The following NUP210L variants were observed in gnomAD, a reference collection of about 807,000 sequenced individuals.
NUP210L encodes the protein nuclear pore membrane glycoprotein 210-like.
In NUP210L, 74 loss-of-function variants were observed where a neutral mutation model predicts 208.5. The ratio of observed to expected loss-of-function variants is 0.35; its 90% CI spans 0.29 to 0.43. The LOEUF (loss-of-function observed/expected upper bound fraction) is 0.43. Ranked by LOEUF, NUP210L falls within the 20% of genes least tolerant of loss-of-function variation. The pLI is 1.00. For synonymous variants in NUP210L, 780 were observed against 816.9 expected (o/e 0.95, Z 0.77); for missense variants, 1,843 against 2,289.4 (o/e 0.81, Z 3.98).
At position 153,996,728 on chromosome 1, in the gene NUP210L, T is replaced by C. The variant is rs541778653; in HGVS notation, c.5387-1548A>G. ...GAGCCGCTGCACCCAGCCAAAACTT[T>C]TTTTTAAGATCATCAGTGACCACTT... On this transcript the variant is annotated intron_variant, in intron 37 of 39. Transcript: ENST00000368559. 2.2e-4 allele frequency among the ~76,000 whole-genome samples: 34 copies of C among 152,264 alleles called. No homozygotes were observed. In the South Asian group the frequency reaches 7.0e-3, roughly 32 times the overall value.
At chr1:154,152,273 C>T (rs1014213249) in intron 2 of NUP210L, among the ~76,000 whole-genome samples, 13 of 151,484 alleles carry the variant, frequency 8.6e-5, no homozygotes, top group Non-Finnish European at 8.8e-5. Context: ...CGGGTTCAAG[C>T]GATTCTCCTG....
chr1:154,037,237 T>C (rs1407896493), intron 27 of NUP210L, among the ~76,000 whole-genome samples: 2 of 152,182 alleles, frequency 1.3e-5, no homozygotes, highest in Non-Finnish European at 2.9e-5. Flanking sequence ...GAAGTTTCTT[T>C]GTTGATTTTC....
intron 35 of NUP210L, among the ~76,000 whole-genome samples, chr1:154,004,802 G>T (rs1650413897): frequency 6.7e-6 from 1 of 150,222 alleles, no homozygotes; most frequent in Admixed American, 6.6e-5. Context: ...ATGAGCCACT[G>T]TGGCCAGGCT....
chr1:154,125,620 TGAAAGGAAGGAA>T (rs1657859699), intron 10 of NUP210L, among the ~76,000 whole-genome samples: 2 of 64,282 alleles, frequency 3.1e-5, no homozygotes, highest in Admixed American at 1.9e-4. Context: ...AGGCCCTCTC[TGAAAGGAAGGAA>T]GGAAGGAAGG....
At chr1:153,997,162 CCATG>C (rs1340308796) in intron 37 of NUP210L, among the ~76,000 whole-genome samples, 1 of 151,884 alleles carries the variant, frequency 6.6e-6, no homozygotes, top group East Asian at 1.9e-4. Context: ...TGGGTTTTCA[CCATG>C]TTGGCCAGGA....
exon 37 of NUP210L, chr1:154,000,880 C>G: frequency 6.2e-7 from 1 of 1,613,998 alleles, no homozygotes; most frequent in Non-Finnish European, 8.5e-7. Context: ...TCTTTCATAG[C>G]CCTCACTACC....
At chr1:154,085,627 A>G (rs1571255474) in intron 16 of NUP210L, among the ~76,000 whole-genome samples, 1 of 152,134 alleles carries the variant, frequency 6.6e-6, no homozygotes, top group South Asian at 2.1e-4. Context: ...AGCTGACCCT[A>G]AAAATTTATG....
intron 16 of NUP210L, among the ~76,000 whole-genome samples, chr1:154,071,780 T>C (rs1215280094): frequency 6.6e-6 from 1 of 151,640 alleles, no homozygotes; most frequent in Non-Finnish European, 1.5e-5. Context: ...GGATTACAGG[T>C]ACGTGCCACT....
At chr1:154,027,356 A>G (rs1221481545) in intron 29 of NUP210L, 150 bp downstream of exon 29, 2 of 591,224 alleles carry the variant, frequency 3.4e-6, no homozygotes, top group Admixed American at 3.1e-5. Context: ...TACACTTTAC[A>G]ATAGTTTTAC....
exon 3 of NUP210L, chr1:154,143,540 A>G: frequency 6.2e-7 from 1 of 1,614,040 alleles, no homozygotes; most frequent in Non-Finnish European, 8.5e-7. Context: ...TGTTTATCAC[A>G]TCAACCTTAA....
intron 16 of NUP210L, among the ~76,000 whole-genome samples, chr1:154,075,913 C>T (rs1240941367): frequency 2.6e-5 from 4 of 151,886 alleles, no homozygotes; most frequent in African/African-American, 9.7e-5. Context: ...CCTCAGCCTC[C>T]CAAGTAGCTG....
At chr1:154,000,820 C>T in intron 37 of NUP210L, 36 bp downstream of exon 37, 8 of 1,567,296 alleles carry the variant, frequency 5.1e-6, no homozygotes, top group Non-Finnish European at 7.0e-6. Flanking sequence ...TCTTCTTTTC[C>T]TCTCTAGATT....
At chr1:154,043,936 A>G (rs2147967550) in intron 27 of NUP210L, among the ~76,000 whole-genome samples, 1 of 152,094 alleles carries the variant, frequency 6.6e-6, no homozygotes, top group Admixed American at 6.6e-5. Context: ...TTCATTACCC[A>G]ATTTGCCTAT....
At chr1:154,102,150 C>CA (rs1056750018) in intron 13 of NUP210L, among the ~76,000 whole-genome samples, 6 of 150,454 alleles carry the variant, frequency 4.0e-5, no homozygotes, top group African/African-American at 1.2e-4. Flanking sequence ...GATTCCATCT[C>CA]AAAAAAACAA....
At chr1:154,001,816 C>A (rs763137213) in exon 36 of NUP210L, 2 of 1,614,104 alleles carry the variant, frequency 1.2e-6, no homozygotes, top group Admixed American at 1.7e-5. Flanking sequence ...CCAATTCTGA[C>A]TGGTTAATAT....
At chr1:154,084,135 G>T (rs1477481412) in intron 16 of NUP210L, among the ~76,000 whole-genome samples, 1 of 149,590 alleles carries the variant, frequency 6.7e-6, no homozygotes, top group Non-Finnish European at 1.5e-5. Flanking sequence ...CACTTACCTG[G>T]CTCAAGCAAT....
At chr1:154,056,023 C>T (rs1557945105) in intron 23 of NUP210L, among the ~76,000 whole-genome samples, 1 of 152,204 alleles carries the variant, frequency 6.6e-6, no homozygotes, top group Non-Finnish European at 1.5e-5. Flanking sequence ...CGCGCCATTG[C>T]ACTCCAGCCT....
chr1:154,054,531 A>G, intron 24 of NUP210L, 124 bp from the exon 25 acceptor site: 1 of 894,818 alleles, frequency 1.1e-6, no homozygotes, highest in Non-Finnish European at 1.7e-6. Flanking sequence ...AACATATCCC[A>G]TATCAACTCA....
At chr1:153,995,282 C>T (rs1649773769) in intron 37 of NUP210L, 102 bp from the exon 38 acceptor site, 3 of 783,708 alleles carry the variant, frequency 3.8e-6, no homozygotes, top group Non-Finnish European at 6.3e-6. Flanking sequence ...GTTTTACTCT[C>T]ACTCTGTCCC....
Sources: gnomAD v4.1 joint callset for allele counts (sites outside exome capture counted in the v4.1 genomes callset) on GRCh38, gnomAD v4.1.1 for gene constraint, MANE v1.5 for transcripts, NCBI Gene and HGNC (gene_info 2026-07-23, HGNC 2026-07-21) for gene names.